The following CASK variants were observed in gnomAD, a reference collection of about 807,000 sequenced individuals.
CASK encodes the protein calcium/calmodulin dependent serine protein kinase, also known as peripheral plasma membrane protein CASK.
Under a neutral mutation model 82.9 loss-of-function variants are expected in CASK, and 4 were observed. The observed-to-expected ratio is 0.05, with a 90% CI of 0.02 to 0.11. The LOEUF (loss-of-function observed/expected upper bound fraction) is 0.11. Ranked by LOEUF, CASK falls within the 10% of genes least tolerant of loss-of-function variation. The pLI is 1.00. For synonymous variants in CASK, 259 were observed against 253.5 expected (o/e 1.02, Z -0.20); for missense variants, 358 against 720.9 (o/e 0.50, Z 5.76).
chrX:41,557,138 A>G (rs888579931), intron 18 of CASK, 38 bp from the exon 19 acceptor site: 9 of 1,025,956 alleles, frequency 8.8e-6, no homozygotes, highest in Non-Finnish European at 1.2e-5. Flanking sequence ...ACAGAACACC[A>G]GCACAGAAAC....
At chrX:41,803,128 A>G (rs1288189526) in intron 2 of CASK, among the ~76,000 whole-genome samples, 1 of 111,557 alleles carries the variant, frequency 9.0e-6, no homozygotes, top group East Asian at 2.8e-4. Flanking sequence ...AGGCCAGGAC[A>G]GCAACCAACT....
At chrX:41,660,211 C>G (rs1299402092) in intron 8 of CASK, 4 of 447,507 alleles carry the variant, frequency 8.9e-6, no homozygotes, top group Non-Finnish European at 1.6e-5. Flanking sequence ...TATATTCTGT[C>G]TTAATCCTGT....
At chrX:41,624,329 G>T (rs372264399) in intron 10 of CASK, 1 of 341,861 alleles carries the variant, frequency 2.9e-6, no homozygotes, top group African/African-American at 2.6e-5. Context: ...CTTTCATGTG[G>T]GAAGGGCTCT....
At chrX:41,579,494 A>G (rs1330052485) in intron 14 of CASK, among the ~76,000 whole-genome samples, 1 of 111,924 alleles carries the variant, frequency 8.9e-6, no homozygotes, top group Non-Finnish European at 1.9e-5. Context: ...TGTTTCCCTA[A>G]AAAAGAATGT....
chrX:41,524,042 A>G lies in CASK; in HGVS notation c.2521-8T>C. 1 of 1,093,890 alleles carries G rather than the reference A, an allele frequency of 9.1e-7. No individual in the cohort carries two copies. The highest frequency in any genetic ancestry group is 1.2e-6 in the Non-Finnish European group (1 of 804,525). The allele number at this position is 1,093,890 out of a possible 1,213,427, so 90.1% of individuals were successfully genotyped here. ...TCTCAGGACCTTCAGTGCCTGTGTT[A>G]AGAAAAAAAAAAAAAATCCCGACTT... On this transcript the variant is annotated splice_region_variant and splice_polypyrimidine_tract_variant and intron_variant, in intron 25 of 26. Transcript: ENST00000378163.
intron 1 of CASK, among the ~76,000 whole-genome samples, chrX:41,885,375 G>A (rs1213392739): frequency 1.2e-5 from 1 of 83,548 alleles, no homozygotes; most frequent in African/African-American, 3.4e-5. Context: ...AATTTGTCAA[G>A]TAAAGATTTC....
chrX:41,782,216 A>G (rs1445160037), intron 3 of CASK, among the ~76,000 whole-genome samples: 3 of 112,275 alleles, frequency 2.7e-5, no homozygotes, highest in African/African-American at 6.5e-5. Context: ...AAATGTTTTG[A>G]TAACTATTGA....
At chrX:41,868,616 G>A (rs1162036989) in intron 1 of CASK, among the ~76,000 whole-genome samples, 2 of 111,487 alleles carry the variant, frequency 1.8e-5, no homozygotes, top group African/African-American at 6.5e-5. Context: ...GCAAGGGCTT[G>A]ATAGCTCAAA....
intron 3 of CASK, among the ~76,000 whole-genome samples, chrX:41,778,677 C>T (rs1317860970): frequency 2.7e-5 from 3 of 111,008 alleles, no homozygotes; most frequent in Non-Finnish European, 3.8e-5. Context: ...GAAAAGTTAT[C>T]GGAGTGACAA....
intron 21 of CASK, among the ~76,000 whole-genome samples, chrX:41,547,173 A>G (rs1447078544): frequency 9.0e-6 from 1 of 111,416 alleles, no homozygotes; most frequent in Non-Finnish European, 1.9e-5. Context: ...ACCTCAGGTG[A>G]TCCGCCCGTC....
chrX:41,645,270 A>G (rs906735751), intron 8 of CASK, among the ~76,000 whole-genome samples: 1 of 111,630 alleles, frequency 9.0e-6, no homozygotes, highest in Non-Finnish European at 1.9e-5. Context: ...TTTACTTTAA[A>G]TTTTTTAAAT....
chrX:41,794,310 G>A (rs62589179), intron 2 of CASK, among the ~76,000 whole-genome samples: 21,400 of 111,570 alleles, frequency 0.19, 1,612 homozygotes, highest in Middle Eastern at 0.31. Context: ...ATCAATCTTA[G>A]CTGCATTAAG....
At chrX:41,562,035 G>T (rs1472224456) in intron 16 of CASK, 2 of 137,748 alleles carry the variant, frequency 1.5e-5, no homozygotes, top group Non-Finnish European at 2.9e-5. Context: ...GTAAAATGGA[G>T]ATGAAAATAG....
chrX:41,734,726 A>G (rs2068469463), intron 5 of CASK, among the ~76,000 whole-genome samples: 1 of 110,821 alleles, frequency 9.0e-6, no homozygotes, highest in South Asian at 3.8e-4. Flanking sequence ...CTAGGGGGAG[A>G]TGCTACTGGC....
chrX:41,915,245 C>T (rs1183214534), intron 1 of CASK, among the ~76,000 whole-genome samples: 2 of 111,322 alleles, frequency 1.8e-5, no homozygotes, highest in African/African-American at 3.3e-5. Context: ...AATTCCAGCT[C>T]AGCATTTCAA....
At chrX:41,701,265 G>A (rs1295900326) in intron 5 of CASK, among the ~76,000 whole-genome samples, 1 of 111,836 alleles carries the variant, frequency 8.9e-6, no homozygotes, top group Non-Finnish European at 1.9e-5. Context: ...CTGTAGATGG[G>A]AAAGAACTTT....
intron 25 of CASK, among the ~76,000 whole-genome samples, chrX:41,528,466 A>G (rs183043504): frequency 1.3e-3 from 150 of 112,204 alleles, no homozygotes; most frequent in African/African-American, 4.7e-3. Flanking sequence ...AGAGCTGGAC[A>G]TGTGTTAGGT....
chrX:41,620,790 C>T lies in CASK; in HGVS notation c.1033+1827G>A, dbSNP rs1359459943. ...TGGACATAAGCATCTGTGCCATATC[C>T]AACTCAAGTTATGAGAACTTACATA... is the stretch of plus-strand genomic sequence containing the variant. On this transcript the variant is annotated intron_variant, in intron 11 of 26. Transcript: ENST00000378163. Among the ~76,000 whole-genome samples the T allele has an allele frequency of 3.6e-5, 4 of 111,997 alleles. No homozygotes were observed. In the Admixed American group the frequency reaches 3.8e-4, roughly 11 times the overall value.
intron 12 of CASK, among the ~76,000 whole-genome samples, chrX:41,606,145 T>C (rs2065957718): frequency 8.9e-6 from 1 of 112,793 alleles, no homozygotes. Flanking sequence ...AAATGTAGCC[T>C]GTTAGCTGTG....
Sources: allele counts gnomAD v4.1 joint callset (sites outside exome capture counted in the v4.1 genomes callset), GRCh38; gene constraint gnomAD v4.1.1; transcripts MANE v1.5; gene names NCBI Gene and HGNC (gene_info 2026-07-23, HGNC 2026-07-21).